ERBB4: variants seen among roughly 807,000 people sequenced by gnomAD.
ERBB4 encodes receptor tyrosine-protein kinase erbB-4.
A neutral mutation model predicts 158.0 loss-of-function variants in ERBB4; 42 were observed. That is an observed-to-expected ratio of 0.27 (90% confidence interval 0.21 to 0.34). The LOEUF (loss-of-function observed/expected upper bound fraction) is 0.34. Among genes scored for constraint, ERBB4 ranks in the 10% least tolerant of loss-of-function variants. The pLI is 1.00. For missense variants in ERBB4, 1,333 were observed against 1,624.1 expected, an observed-to-expected ratio of 0.82 and a Z score of 3.08; for synonymous variants, 583 against 558.7, an observed-to-expected ratio of 1.04 and a Z score of -0.61.
intron 2 of ERBB4, among the ~76,000 whole-genome samples, chr2:212,105,213 T>C (rs369508605): frequency 6.6e-6 from 1 of 152,226 alleles, no homozygotes; most frequent in Non-Finnish European, 1.5e-5. Flanking sequence ...AATATCATTA[T>C]AAATTTGTCA....
intron 2 of ERBB4, among the ~76,000 whole-genome samples, chr2:212,077,366 A>AAAAAAAT (rs1361699501): frequency 6.6e-6 from 1 of 151,986 alleles, no homozygotes; most frequent in Non-Finnish European, 1.5e-5. Flanking sequence ...AAATCTGAAA[A>AAAAAAAT]CAGTTCAGAT....
intron 1 of ERBB4, among the ~76,000 whole-genome samples, chr2:212,279,866 C>T (rs773163998): frequency 4.6e-5 from 7 of 151,392 alleles, no homozygotes; most frequent in South Asian, 2.1e-4. Flanking sequence ...GAAAAGGATA[C>T]AAAAAGTTGT....
intron 12 of ERBB4, among the ~76,000 whole-genome samples, chr2:211,693,240 A>G (rs2072887472): frequency 6.6e-6 from 1 of 152,186 alleles, no homozygotes; most frequent in Non-Finnish European, 1.5e-5. Flanking sequence ...TCAAAAAAAT[A>G]AAATGAATCC....
intron 1 of ERBB4, among the ~76,000 whole-genome samples, chr2:212,219,821 C>A (rs1407575608): frequency 6.6e-6 from 1 of 151,222 alleles, no homozygotes; most frequent in Non-Finnish European, 1.5e-5. Flanking sequence ...AAATAGAAAC[C>A]TGCACAAACC....
At chr2:211,768,820 G>A (rs141437668) in intron 4 of ERBB4, among the ~76,000 whole-genome samples, 122 of 150,216 alleles carry the variant, frequency 8.1e-4, no homozygotes, top group African/African-American at 2.8e-3. Context: ...GACATGCCCT[G>A]GAGACATTTT....
intron 3 of ERBB4, among the ~76,000 whole-genome samples, chr2:211,896,221 C>T (rs2079094504): frequency 6.6e-6 from 1 of 152,162 alleles, no homozygotes; most frequent in Non-Finnish European, 1.5e-5. Flanking sequence ...CTAAAAGTCA[C>T]CTTAAATTTA....
At chr2:212,049,217 A>C (rs1475634913) in intron 2 of ERBB4, among the ~76,000 whole-genome samples, 1 of 152,186 alleles carries the variant, frequency 6.6e-6, no homozygotes, top group Admixed American at 6.5e-5. Flanking sequence ...TAATTATAAT[A>C]TCTCTGTTAA....
intron 2 of ERBB4, among the ~76,000 whole-genome samples, chr2:212,026,238 A>C (rs1388419847): frequency 6.6e-6 from 1 of 151,786 alleles, no homozygotes; most frequent in East Asian, 1.9e-4. Context: ...AATGAATTTT[A>C]GTATATAAAT....
At chr2:211,887,902 T>C (rs780949258) in intron 3 of ERBB4, among the ~76,000 whole-genome samples, 1 of 152,214 alleles carries the variant, frequency 6.6e-6, no homozygotes, top group Non-Finnish European at 1.5e-5. Context: ...TTTTCAAATA[T>C]CTTCTACTTT....
intron 1 of ERBB4, among the ~76,000 whole-genome samples, chr2:212,249,606 G>T (rs557320343): frequency 1.3e-5 from 2 of 151,838 alleles, no homozygotes; most frequent in African/African-American, 4.8e-5. Context: ...TTAAAACAAG[G>T]ATGTTTTAAA....
chr2:211,377,748 C>G lies in ERBB4; in HGVS notation c.*5867G>C. On this transcript the variant is annotated 3_prime_UTR_variant, in exon 28 of 28. Coordinates refer to ENST00000342788, the MANE Select transcript of ERBB4 (RefSeq NM_005235.3). ...AAAAATAACTTCTTGGTTATATGTA[C>G]AGCTTTTATGTAAAGATTAAATCGA... The G allele has an allele frequency of 4.3e-6, 1 of 232,374 alleles. No individual in the cohort carries two copies. The highest frequency in any genetic ancestry group is 6.1e-5 in the East Asian group (1 of 16,454). The allele number at this position is 232,374 out of a possible 1,614,324, so 14.4% of individuals were successfully genotyped here.
chr2:212,123,522 C>T (rs2079824250), intron 2 of ERBB4, among the ~76,000 whole-genome samples: 1 of 152,136 alleles, frequency 6.6e-6, no homozygotes, highest in Non-Finnish European at 1.5e-5. Flanking sequence ...CAAAATTAAA[C>T]ATCATAATTA....
At chr2:212,192,054 T>TATTATATGTTATAA (rs1190821681) in intron 1 of ERBB4, among the ~76,000 whole-genome samples, 2 of 80,298 alleles carry the variant, frequency 2.5e-5, no homozygotes. Context: ...ATATGTTATA[T>TATTATATGTTATAA]GTTATATATG....
At chr2:211,492,447 T>C (rs1435627055) in intron 20 of ERBB4, among the ~76,000 whole-genome samples, 2 of 152,100 alleles carry the variant, frequency 1.3e-5, no homozygotes, top group African/African-American at 4.8e-5. Context: ...TTAAATGAGG[T>C]AATATAATAA....
intron 1 of ERBB4, among the ~76,000 whole-genome samples, chr2:212,314,842 A>C (rs2087204234): frequency 6.6e-6 from 1 of 151,194 alleles, no homozygotes; most frequent in South Asian, 2.1e-4. Flanking sequence ...CATCAACATT[A>C]TTTCTTTCAT....
chr2:212,487,691 G>A (rs1690049796), intron 1 of ERBB4, among the ~76,000 whole-genome samples: 1 of 151,856 alleles, frequency 6.6e-6, no homozygotes, highest in Non-Finnish European at 1.5e-5. Context: ...GCTAAAGGAA[G>A]AACGAGAGAA....
intron 2 of ERBB4, among the ~76,000 whole-genome samples, chr2:211,980,856 C>T (rs945574198): frequency 3.9e-5 from 6 of 152,066 alleles, no homozygotes; most frequent in Admixed American, 1.3e-4. Context: ...ATCCATATTT[C>T]ATATGGCCTT....
chr2:212,455,343 T>C lies in ERBB4; in HGVS notation c.82+83106A>G, dbSNP rs1688232090. Among the ~76,000 whole-genome samples, 3 of 152,142 alleles carry C rather than the reference T, an allele frequency of 2.0e-5. No individual in the cohort carries two copies. In the South Asian group the frequency reaches 6.2e-4, roughly 31 times the overall value. ...CATTAGGTGATCTCATGTATGAATATGCATCACCCTCCTAATCTTATCGTT... is the reference window on the plus strand; with the variant it reads ...CATTAGGTGATCTCATGTATGAATACGCATCACCCTCCTAATCTTATCGTT... On this transcript the variant is annotated intron_variant, in intron 1 of 27. Coordinates refer to ENST00000342788, the MANE Select transcript of ERBB4 (RefSeq NM_005235.3).
At chr2:211,493,353 T>C (rs966024248) in intron 20 of ERBB4, among the ~76,000 whole-genome samples, 1 of 152,080 alleles carries the variant, frequency 6.6e-6, no homozygotes, top group Non-Finnish European at 1.5e-5. Flanking sequence ...AACAATAAAG[T>C]GCCTTCCTTT....
Sources: allele counts gnomAD v4.1 joint callset (sites outside exome capture counted in the v4.1 genomes callset), GRCh38; gene constraint gnomAD v4.1.1; transcripts MANE v1.5; gene names NCBI Gene and HGNC (gene_info 2026-07-23, HGNC 2026-07-21).